ARHGEF7: variants seen among roughly 807,000 people sequenced by gnomAD.
The protein encoded by ARHGEF7 is PAK-interacting exchange factor beta.
In ARHGEF7, 33 loss-of-function variants were observed where a neutral mutation model predicts 109.8. The ratio of observed to expected loss-of-function variants is 0.30; its 90% CI spans 0.23 to 0.40. The LOEUF (loss-of-function observed/expected upper bound fraction) is 0.40. Among genes scored for constraint, ARHGEF7 ranks in the 10% least tolerant of loss-of-function variants. ARHGEF7 has a pLI of 1.00. For missense variants in ARHGEF7, 938 were observed against 1,098.5 expected, an observed-to-expected ratio of 0.85 and a Z score of 2.07; for synonymous variants, 458 against 424.6, an observed-to-expected ratio of 1.08 and a Z score of -0.97.
In ARHGEF7 at chr13:111,273,513, C is replaced by T. The variant is rs1396014491; in HGVS notation, c.1074-301C>T. ...TGCATGTTTCCATTGGATATGTCTG[C>T]ATGGCACTGATGTGCTGGAGGACCT... On this transcript the variant is annotated intron_variant, in intron 9 of 21. Coordinates refer to ENST00000646102, the MANE Select transcript of ARHGEF7 (RefSeq NM_001354046.2). The surrounding 1 kb of genome is among the most constrained non-coding windows in gnomAD (Gnocchi z 4.5). Among the ~76,000 whole-genome samples, 1 of 152,228 alleles carries T rather than the reference C, an allele frequency of 6.6e-6. No individual in the cohort carries two copies. The highest frequency in any genetic ancestry group is 6.5e-5 in the Admixed American group (1 of 15,290).
At position 111,123,863 on chromosome 13, in the gene ARHGEF7, C is replaced by CCG. The variant is rs1555339510; in HGVS notation, c.165+8173_165+8174insGC. On this transcript the variant is annotated intron_variant, in intron 1 of 21. Coordinates refer to ENST00000646102, the MANE Select transcript of ARHGEF7 (RefSeq NM_001354046.2). Reference sequence around the variant, plus strand: ...GGCCATCGTTGGCTGGTGGGCTGCGCCCCCCCCCCCCGGCCCCGCCCCCTG... The same window carrying CCG: ...GGCCATCGTTGGCTGGTGGGCTGCGCCGCCCCCCCCCCCGGCCCCGCCCCCTG... Among the ~76,000 whole-genome samples the CCG allele has an allele frequency of 2.5e-3, 10 of 3,944 alleles. 1 individual carries two copies. Among genetic ancestry groups the CCG allele is most frequent in the Admixed American group, 0.01 (6 of 598 alleles). The allele number at this position is 3,944 out of a possible 152,430, so 2.6% of individuals were successfully genotyped here.
chr13:111,161,998 C>T (rs771082572), intron 2 of ARHGEF7, among the ~76,000 whole-genome samples: 28 of 152,230 alleles, frequency 1.8e-4, no homozygotes, highest in Non-Finnish European at 4.1e-4. Flanking sequence ...TTCTGTACCA[C>T]ACCCTTAATC....
intron 2 of ARHGEF7, among the ~76,000 whole-genome samples, chr13:111,164,460 C>T (rs971313670): frequency 2.6e-5 from 4 of 152,228 alleles, no homozygotes; most frequent in Admixed American, 6.5e-5. Flanking sequence ...GGGCCTGCCT[C>T]GTGGGTGTGC....
intron 2 of ARHGEF7, among the ~76,000 whole-genome samples, chr13:111,202,277 A>ATGAC (rs1246997984): frequency 1.3e-5 from 2 of 152,202 alleles, no homozygotes; most frequent in African/African-American, 4.8e-5. Flanking sequence ...AGGATTCCTA[A>ATGAC]TGACCTTCCT....
intron 5 of ARHGEF7, among the ~76,000 whole-genome samples, chr13:111,227,754 C>G (rs1333571235): frequency 6.6e-6 from 1 of 152,188 alleles, no homozygotes; most frequent in South Asian, 2.1e-4. Flanking sequence ...CTGTTGGTTT[C>G]CTCTGTTGGT....
chr13:111,126,902 A>G (rs2067599245), intron 1 of ARHGEF7, among the ~76,000 whole-genome samples: 1 of 152,206 alleles, frequency 6.6e-6, no homozygotes, highest in Admixed American at 6.5e-5. Context: ...GGCAAATTAA[A>G]CTCAAATTAA....
At chr13:111,154,841 A>G (rs769626204) in intron 2 of ARHGEF7, among the ~76,000 whole-genome samples, 1 of 152,146 alleles carries the variant, frequency 6.6e-6, no homozygotes, top group South Asian at 2.1e-4. Context: ...CCTGCCGTTT[A>G]TGTTGCCACT....
chr13:111,170,270 G>A (rs554502879), intron 2 of ARHGEF7, among the ~76,000 whole-genome samples: 8 of 152,146 alleles, frequency 5.3e-5, no homozygotes, highest in Non-Finnish European at 1.2e-4. Flanking sequence ...GCTAATTTTT[G>A]TATTTTTAAT....
At chr13:111,193,740 A>G (rs1414673486) in intron 2 of ARHGEF7, among the ~76,000 whole-genome samples, 2 of 152,150 alleles carry the variant, frequency 1.3e-5, no homozygotes, top group Non-Finnish European at 1.5e-5. Flanking sequence ...TTTGTATTCC[A>G]TTGTCCACCA....
intron 8 of ARHGEF7, among the ~76,000 whole-genome samples, chr13:111,260,710 A>C (rs1359495583): frequency 1.3e-5 from 2 of 152,242 alleles, no homozygotes; most frequent in Non-Finnish European, 2.9e-5. Context: ...AGAATACAGA[A>C]TAGTATAACA....
intron 8 of ARHGEF7, among the ~76,000 whole-genome samples, chr13:111,265,192 C>T (rs569550827): frequency 1.4e-5 from 2 of 147,574 alleles, no homozygotes; most frequent in Admixed American, 1.3e-4. Context: ...GGAGAGAAAA[C>T]GGTGGGTGGT....
intron 6 of ARHGEF7, among the ~76,000 whole-genome samples, chr13:111,237,268 TAATAGACA>T (rs762007692): frequency 1.8e-4 from 28 of 152,228 alleles, no homozygotes; most frequent in Non-Finnish European, 3.7e-4. Flanking sequence ...ACATGAAGAT[TAATAGACA>T]AATGGGAAAG....
intron 4 of ARHGEF7, among the ~76,000 whole-genome samples, chr13:111,211,144 T>A (rs1253607807): frequency 2.0e-5 from 3 of 152,226 alleles, no homozygotes; most frequent in Non-Finnish European, 1.5e-5. Flanking sequence ...GCCTGAGTGC[T>A]GCAGTCCTCA....
intron 1 of ARHGEF7, among the ~76,000 whole-genome samples, chr13:111,143,171 C>A (rs2075429410): frequency 6.6e-6 from 1 of 152,206 alleles, no homozygotes; most frequent in Non-Finnish European, 1.5e-5. Flanking sequence ...GCCATTCTCA[C>A]CAAGGTGCCT....
chr13:111,169,977 G>T (rs1013138154), intron 2 of ARHGEF7, among the ~76,000 whole-genome samples: 1 of 152,046 alleles, frequency 6.6e-6, no homozygotes. Context: ...ACTTAGATTG[G>T]GTGATCAGAG....
chr13:111,169,213 T>C (rs1018783841), intron 2 of ARHGEF7, among the ~76,000 whole-genome samples: 1 of 152,202 alleles, frequency 6.6e-6, no homozygotes, highest in Admixed American at 6.5e-5. Flanking sequence ...TAGGAGAGAA[T>C]TGCAGAGGTC....
At chr13:111,229,088 G>A (rs556360188) in intron 5 of ARHGEF7, among the ~76,000 whole-genome samples, 2 of 152,008 alleles carry the variant, frequency 1.3e-5, no homozygotes, top group East Asian at 3.9e-4. Flanking sequence ...CTGGCTCCCC[G>A]GACCTGGCCC....
chr13:111,184,475 TC>T, intron 2 of ARHGEF7, among the ~76,000 whole-genome samples: 1 of 152,268 alleles, frequency 6.6e-6, no homozygotes, highest in Non-Finnish European at 1.5e-5. Flanking sequence ...TGTTTAGCAC[TC>T]AGTTTGGAGC....
At position 111,217,708 on chromosome 13, in the gene ARHGEF7, G is replaced by T. The variant is rs916077246; in HGVS notation, c.498G>T (p.Leu166=). The T allele has an allele frequency of 6.2e-7, 1 of 1,614,080 alleles. No individual in the cohort carries two copies. The highest frequency in any genetic ancestry group is 8.5e-7 in the Non-Finnish European group (1 of 1,180,036). Residue 166 remains leucine (L), a synonymous_variant, in exon 5 of 22, where the codon CTG becomes CTT. Transcript: ENST00000646102. ...TGACCGATAATAGCAACAATCAACT[G>T]GTAGTAAGAGCAAAGTTTAACTTCC... ...LDMTDNSNNQ[L]VVRAKFNFQQ...
Sources: allele counts gnomAD v4.1 joint callset (sites outside exome capture counted in the v4.1 genomes callset), GRCh38; gene constraint gnomAD v4.1.1; non-coding constraint Gnocchi (gnomAD v3.1); transcripts MANE v1.5; gene names NCBI Gene and HGNC (gene_info 2026-07-23, HGNC 2026-07-21).